Variants in FGF13 observed in about 807,000 individuals in gnomAD.
FGF13 encodes the protein fibroblast growth factor 13, also known as fibroblast growth factor homologous factor 2.
Under a neutral mutation model 19.5 loss-of-function variants are expected in FGF13, and 2 were observed. The observed-to-expected ratio is 0.10, with a 90% CI of 0.04 to 0.32. The LOEUF (loss-of-function observed/expected upper bound fraction) is 0.32. FGF13 is among the 10% of genes least tolerant of loss of function. The pLI, the probability that FGF13 is intolerant of heterozygous loss-of-function variation, is 1.00. For synonymous variants in FGF13, 72 were observed against 76.9 expected (o/e 0.94, Z 0.33); for missense variants, 113 against 192.7 (o/e 0.59, Z 2.45).
At chrX:139,076,126 T>C (rs770526063) in intron 1 of FGF13, among the ~76,000 whole-genome samples, 39 of 111,530 alleles carry the variant, frequency 3.5e-4, no homozygotes, top group Non-Finnish European at 4.9e-4. Flanking sequence ...TTTCTGGCCA[T>C]TTAGAGCCTC....
At chrX:138,786,566 A>G (rs750701033) in intron 3 of FGF13, among the ~76,000 whole-genome samples, 40 of 111,795 alleles carry the variant, frequency 3.6e-4, no homozygotes, top group African/African-American at 1.2e-3. Context: ...TGAGTCAGAC[A>G]ACTTGTTGCC....
chrX:139,194,051 G>T (rs1278008172), intron 1 of FGF13, among the ~76,000 whole-genome samples: 1 of 111,935 alleles, frequency 8.9e-6, no homozygotes, highest in Admixed American at 9.5e-5. Context: ...AGGATCTCAA[G>T]GAGGTGCAGG....
At chrX:138,976,033 T>C (rs747926386) in intron 1 of FGF13, among the ~76,000 whole-genome samples, 6 of 111,610 alleles carry the variant, frequency 5.4e-5, no homozygotes, top group African/African-American at 2.0e-4. Context: ...ATTAAAAATC[T>C]GAATTGCATT....
At chrX:138,796,179 C>A (rs900100017) in intron 3 of FGF13, among the ~76,000 whole-genome samples, 1 of 110,095 alleles carries the variant, frequency 9.1e-6, no homozygotes, top group African/African-American at 3.3e-5. Context: ...GGTTTTAAGC[C>A]CCACATGCAT....
At chrX:139,070,062 T>C (rs1386585237) in intron 1 of FGF13, among the ~76,000 whole-genome samples, 1 of 111,980 alleles carries the variant, frequency 8.9e-6, no homozygotes, top group African/African-American at 3.2e-5. Flanking sequence ...ATTCAGGACA[T>C]AGGCATGGGC....
intron 1 of FGF13, among the ~76,000 whole-genome samples, chrX:139,007,010 A>C (rs1448732489): frequency 8.9e-6 from 1 of 111,740 alleles, no homozygotes; most frequent in Non-Finnish European, 1.9e-5. Context: ...AATAACATTG[A>C]ATGTAAATGA....
At chrX:139,196,814 T>C (rs182411886) in intron 1 of FGF13, among the ~76,000 whole-genome samples, 203 of 112,272 alleles carry the variant, frequency 1.8e-3, no homozygotes, top group Non-Finnish European at 2.5e-3. Context: ...TCTCCATACA[T>C]TGAATGTCCA....
At chrX:138,895,093 A>C (rs939587416) in intron 1 of FGF13, among the ~76,000 whole-genome samples, 2 of 112,015 alleles carry the variant, frequency 1.8e-5, no homozygotes, top group Admixed American at 9.5e-5. Context: ...GGCTCTGTAA[A>C]TATACCTGAT....
intron 1 of FGF13, among the ~76,000 whole-genome samples, chrX:139,063,765 A>C (rs2092343767): frequency 9.0e-6 from 1 of 111,645 alleles, no homozygotes; most frequent in African/African-American, 3.3e-5. Context: ...GATGCAGTAA[A>C]AGGTAAATTT....
Position 138,630,280 on chromosome X carries a change from T to G in FGF13, c.*2570A>C, listed in dbSNP as rs1159347758. On this transcript the variant is annotated 3_prime_UTR_variant, in exon 5 of 5. Coordinates refer to ENST00000315930, the MANE Select transcript of FGF13 (RefSeq NM_004114.5). ...CTAATTTGCTTACTACCAGCAGACCTACACTATTTCTGAACAACAGAAAAA... is the reference window on the plus strand; with the variant it reads ...CTAATTTGCTTACTACCAGCAGACCGACACTATTTCTGAACAACAGAAAAA... 1 of 110,926 alleles carries G rather than the reference T, an allele frequency of 9.0e-6. No individual in the cohort carries two copies. The highest frequency in any genetic ancestry group is 9.7e-5 in the Admixed American group (1 of 10,331). 9.1% of individuals were successfully genotyped at this position (110,926 alleles called of 1,213,427 possible). A position where few individuals can be genotyped will look rare whatever the true frequency, so the allele number is the denominator to read the frequency against.
chrX:138,717,780 T>A (rs2090119447), intron 1 of FGF13, among the ~76,000 whole-genome samples: 1 of 109,228 alleles, frequency 9.2e-6, no homozygotes, highest in Non-Finnish European at 1.9e-5. Flanking sequence ...CATTTAACTA[T>A]TTTTTTTTTC....
At chrX:139,131,366 G>T (rs2083758929) in intron 1 of FGF13, among the ~76,000 whole-genome samples, 1 of 94,390 alleles carries the variant, frequency 1.1e-5, no homozygotes, top group Non-Finnish European at 2.1e-5. Flanking sequence ...TTGTTGTATG[G>T]ATTAGAATAT....
At chrX:139,132,220 T>A (rs1006921995) in intron 1 of FGF13, among the ~76,000 whole-genome samples, 1 of 112,105 alleles carries the variant, frequency 8.9e-6, no homozygotes, top group Non-Finnish European at 1.9e-5. Flanking sequence ...TTAGAAAGCA[T>A]CTAGGTGCAA....
At chrX:139,112,092 T>G (rs2083606990) in intron 1 of FGF13, among the ~76,000 whole-genome samples, 1 of 111,660 alleles carries the variant, frequency 9.0e-6, no homozygotes, top group Non-Finnish European at 1.9e-5. Context: ...AATCAATCAC[T>G]TTCCTATTTT....
intron 1 of FGF13, among the ~76,000 whole-genome samples, chrX:139,172,638 G>T (rs1431159997): frequency 8.9e-6 from 1 of 111,817 alleles, no homozygotes; most frequent in Non-Finnish European, 1.9e-5. Flanking sequence ...ATATCAGAAA[G>T]CTCTGAGGAC....
chrX:139,127,093 A>AT (rs2083721851), intron 1 of FGF13, among the ~76,000 whole-genome samples: 1 of 111,680 alleles, frequency 9.0e-6, no homozygotes, highest in Non-Finnish European at 1.9e-5. Context: ...GCAGTGCCGC[A>AT]GAAAAAAAGC....
intron 3 of FGF13, among the ~76,000 whole-genome samples, chrX:138,808,701 G>T (rs1447107932): frequency 1.8e-5 from 2 of 110,828 alleles, no homozygotes; most frequent in Non-Finnish European, 3.8e-5. Flanking sequence ...TCACTAGCAA[G>T]ACTAATAAAG....
At chrX:139,166,160 C>A (rs112532875) in intron 1 of FGF13, among the ~76,000 whole-genome samples, 2 of 111,628 alleles carry the variant, frequency 1.8e-5, no homozygotes, top group Admixed American at 1.9e-4. Flanking sequence ...ACCCAAATCT[C>A]ATCTTGTAGT....
intron 1 of FGF13, among the ~76,000 whole-genome samples, chrX:138,909,945 TA>T (rs1224754988): frequency 9.0e-6 from 1 of 111,055 alleles, no homozygotes; most frequent in East Asian, 2.8e-4. Flanking sequence ...AAAAAAAAAT[TA>T]AGTTAGTGTA....
Sources: gnomAD v4.1 joint callset for allele counts (sites outside exome capture counted in the v4.1 genomes callset) on GRCh38, gnomAD v4.1.1 for gene constraint, MANE v1.5 for transcripts, NCBI Gene and HGNC (gene_info 2026-07-23, HGNC 2026-07-21) for gene names.